Variants in ITGB7 observed in about 807,000 individuals in gnomAD.
ITGB7 encodes integrin beta-7.
A neutral mutation model predicts 83.4 loss-of-function variants in ITGB7; 55 were observed. That is an observed-to-expected ratio of 0.66 (90% confidence interval 0.53 to 0.83). The LOEUF (loss-of-function observed/expected upper bound fraction) is 0.83. Among genes scored for constraint, ITGB7 ranks in the 40% least tolerant of loss-of-function variants. The pLI is 0.00. For missense variants in ITGB7, 921 were observed against 1,046.7 expected (o/e 0.88, Z 1.66); for synonymous variants, 454 against 423.6 (o/e 1.07, Z -0.88).
chr12:53,197,711 G>C (rs370312046), intron 4 of ITGB7, 39 bp downstream of exon 4: 3 of 1,598,226 alleles, frequency 1.9e-6, no homozygotes, highest in Non-Finnish European at 2.6e-6. Context: ...TGGAACGCCA[G>C]CCTAGACCTC....
rs116256209 is a variant in ITGB7, at chr12:53,193,045, T to C, written c.1726+95A>G. On this transcript the variant is annotated intron_variant, in intron 12 of 15. Coordinates refer to ENST00000267082, the MANE Select transcript of ITGB7 (RefSeq NM_000889.3). ...CCCTCTAACCCATACACCGGAATCT[T>C]TTGATATTTGCCTTCCATGCCAGGA... 814 of 1,383,998 alleles carry C rather than the reference T, an allele frequency of 5.9e-4. 4 individuals are homozygous for C. In the African/African-American group the frequency reaches 0.01, roughly 17 times the overall value. 85.7% of individuals were successfully genotyped at this position (1,383,998 alleles called of 1,614,324 possible). A position where few individuals can be genotyped will look rare whatever the true frequency, so the allele number is the denominator to read the frequency against.
In ITGB7 at chr12:53,191,554, C is replaced by T; in HGVS notation, c.*2G>A. 6.2e-7 allele frequency: 1 copy of T among 1,605,424 alleles called. No individual in the cohort carries two copies. The highest frequency in any genetic ancestry group is 8.5e-7 in the Non-Finnish European group (1 of 1,172,028). On this transcript the variant is annotated 3_prime_UTR_variant, in exon 16 of 16. Transcript: ENST00000267082. ...AGCCTTGGGTAAGTGTCCCTCCCTC[C>T]TTCAGAGAGTGGGACTGTCTGCCTC...
In ITGB7 at chr12:53,197,932, T is replaced by C; in HGVS notation, c.221A>G (p.Glu74Gly). 6.5e-7 allele frequency: 1 copy of C among 1,541,716 alleles called. No individual in the cohort carries two copies. Among genetic ancestry groups the C allele is most frequent in the East Asian group, 2.4e-5 (1 of 41,152 alleles). ...CKQLNFTASG[E>G]AEARRCARRE... is the part of the protein sequence containing the mutation. ...TCGGGCGCAGCGCCGCGCCTCCGCC[T>C]CTCCCGACGCGGTGAAGTTCTGCTC... is the stretch of plus-strand genomic sequence containing the variant. Residue 74 changes from glutamate to glycine, a missense_variant, in exon 4 of 16, where the codon GAG becomes GGG. Coordinates refer to ENST00000267082, the MANE Select transcript of ITGB7 (RefSeq NM_000889.3).
At chr12:53,193,619 T>TG (rs61761310) in intron 11 of ITGB7, 89 bp downstream of exon 11, 221 of 1,160,766 alleles carry the variant, frequency 1.9e-4, no homozygotes, top group Middle Eastern at 8.6e-4. Flanking sequence ...GAGACTCCTG[T>TG]GGGGGGGATG....
intron 1 of ITGB7, among the ~76,000 whole-genome samples, chr12:53,203,495 AAACTT>A (rs967981385): frequency 4.6e-5 from 7 of 151,868 alleles, no homozygotes; most frequent in Non-Finnish European, 8.8e-5. Context: ...TAAAAATACA[AAACTT>A]AACTGGGCAT....
rs900885364 is a variant in ITGB7, at chr12:53,195,415, C to T, written c.1120G>A (p.Asp374Asn). 3 of 1,613,886 alleles carry T rather than the reference C, an allele frequency of 1.9e-6. No homozygotes were observed. Residue 374 changes from aspartate to asparagine, a missense_variant, in exon 9 of 16, where the codon GAC (aspartate) becomes AAC (asparagine). By Grantham distance (23) the Asp-to-Asn change is conservative. Coordinates refer to ENST00000267082, the MANE Select transcript of ITGB7 (RefSeq NM_000889.3). Reference sequence around the variant, plus strand: ...ATGAGCTGTACCACGTTGCTGGAGTCCTCACTCAGCTCCCCAACTGCAGAC... The same window carrying T: ...ATGAGCTGTACCACGTTGCTGGAGTTCTCACTCAGCTCCCCAACTGCAGAC... ...PKSAVGELSE[D>N]SSNVVQLIMD...
At position 53,191,919 on chromosome 12, in the gene ITGB7, G is replaced by A; in HGVS notation, c.2256C>T (p.Ile752=). The change falls in exon 15 of 16, where the codon ATC becomes ATT. Residue 752 remains isoleucine, a synonymous_variant. Transcript: ENST00000267082. ...LVLAYRLSVE[I]YDRREYSRFE... ...AGCGACTGTATTCCCGGCGGTCATA[G>A]ATTTCCACCGAGAGCCGGTAAGCCA... 5 of 1,611,178 alleles carry A rather than the reference G, an allele frequency of 3.1e-6. No homozygotes were observed. The highest frequency in any genetic ancestry group is 4.2e-6 in the Non-Finnish European group (5 of 1,179,948).
intron 7 of ITGB7, 128 bp from the exon 8 acceptor site, chr12:53,195,849 A>C: frequency 2.0e-6 from 2 of 979,636 alleles, no homozygotes; most frequent in Admixed American, 4.3e-5. Flanking sequence ...CTTGCTATGG[A>C]ATAGGAAGGA....
At position 53,192,865 on chromosome 12, in the gene ITGB7, C is replaced by T. The variant is rs139299757; in HGVS notation, c.1772G>A (p.Arg591His). 1.3e-5 allele frequency: 21 copies of T among 1,614,196 alleles called. 1 individual carries two copies. Among genetic ancestry groups the T allele is most frequent in the Middle Eastern group, 1.6e-4 (1 of 6,062 alleles). Residue 591 changes from arginine (R) to histidine (H), a missense_variant, in exon 13 of 16, where the codon CGC becomes CAC. Transcript: ENST00000267082. ...ACTGCATTCGCATGCTCTGCCCGTG[C>T]GGTTGGCATGACAGTGACATACTCC... ...QCGVCHCHAN[R>H]TGRACECSGD...
Position 53,193,129 on chromosome 12 carries a change from G to A in ITGB7, c.1726+11C>T, listed in dbSNP as rs1942026566. 6.3e-7 allele frequency: 1 copy of A among 1,597,446 alleles called. No homozygotes were observed. Among genetic ancestry groups the A allele is most frequent in the African/African-American group, 1.3e-5 (1 of 74,644 alleles). On this transcript the variant is annotated intron_variant, in intron 12 of 15. Transcript: ENST00000267082. ...CTCAGACCCCGCCCTTCTCCCCAAG[G>A]CTCCAGGTACCTCCGCAGAGGATGC...
chr12:53,199,444 C>G (rs1942267600), intron 3 of ITGB7, among the ~76,000 whole-genome samples: 1 of 152,138 alleles, frequency 6.6e-6, no homozygotes, highest in African/African-American at 2.4e-5. Flanking sequence ...AACAGAATGC[C>G]TCCACCCAAA....
rs1565699514 is a variant in ITGB7 at position 53,193,209 on chromosome 12, G to T, written c.1657C>A (p.Gln553Lys). 6.2e-7 allele frequency: 1 copy of T among 1,614,108 alleles called. No individual in the cohort carries two copies. Among genetic ancestry groups the T allele is most frequent in the Non-Finnish European group, 8.5e-7 (1 of 1,180,022 alleles). The change falls in exon 12 of 16, where the codon CAG (glutamine) becomes AAG (lysine). Residue 553 changes from glutamine to lysine, a missense_variant. Coordinates refer to ENST00000267082, the MANE Select transcript of ITGB7 (RefSeq NM_000889.3). ...CQCGRCSCSGQSSGHLCECDD... is the reference protein window; with the variant it reads ...CQCGRCSCSGKSSGHLCECDD... ...CACTCGCACAGATGCCCAGAGCTCT[G>T]TCCACTGCAGCTGCAGCGTCCACAT...
At chr12:53,192,304 G>A in intron 14 of ITGB7, 26 bp downstream of exon 14, 1 of 1,610,152 alleles carries the variant, frequency 6.2e-7, no homozygotes, top group Non-Finnish European at 8.5e-7. Context: ...AAACTTCCAG[G>A]GTTTGTGGCA....
At chr12:53,199,731 T>A (rs1942278269) in intron 3 of ITGB7, among the ~76,000 whole-genome samples, 1 of 146,902 alleles carries the variant, frequency 6.8e-6, no homozygotes, top group Non-Finnish European at 1.5e-5. Context: ...AGGTAGCCAG[T>A]CTGCAAGCAA....
intron 11 of ITGB7, 101 bp from the exon 12 acceptor site, chr12:53,193,464 G>T: frequency 1.1e-6 from 1 of 893,100 alleles, no homozygotes; most frequent in Non-Finnish European, 1.7e-6. Flanking sequence ...AAAAGAGTTG[G>T]AGACAGACAA....
chr12:53,191,718 C>T (rs1257017818), intron 15 of ITGB7, 82 bp from the exon 16 acceptor site: 1 of 1,532,990 alleles, frequency 6.5e-7, no homozygotes. Context: ...CAGCCTTGAG[C>T]CGAATCCTAG....
chr12:53,195,257 G>A, intron 9 of ITGB7, 117 bp downstream of exon 9: 1 of 724,678 alleles, frequency 1.4e-6, no homozygotes, highest in South Asian at 1.6e-5. Flanking sequence ...TAGGAGCTGT[G>A]GAATGTTAGA....
chr12:53,204,508 T>C (rs1158786787), intron 1 of ITGB7, among the ~76,000 whole-genome samples: 1 of 151,882 alleles, frequency 6.6e-6, no homozygotes, highest in Non-Finnish European at 1.5e-5. Context: ...ATGGAACATA[T>C]CCAAACTAGA....
intron 1 of ITGB7, among the ~76,000 whole-genome samples, chr12:53,205,469 G>A (rs768544705): frequency 1.1e-4 from 16 of 152,146 alleles, no homozygotes; most frequent in South Asian, 2.1e-4. Context: ...GATTACAGGC[G>A]TGAGCCATCA....
Sources: gnomAD v4.1 joint callset for allele counts (sites outside exome capture counted in the v4.1 genomes callset) on GRCh38, gnomAD v4.1.1 for gene constraint, MANE v1.5 for transcripts, NCBI Gene and HGNC (gene_info 2026-07-23, HGNC 2026-07-21) for gene names.